The following ANO1 variants were observed in gnomAD, a reference collection of about 807,000 sequenced individuals.
ANO1 encodes anoctamin 1.
ANO1 carries 59 observed loss-of-function variants against 124.0 expected under a neutral mutation model. The ratio of observed to expected loss-of-function variants is 0.48; its 90% CI spans 0.39 to 0.59. The LOEUF (loss-of-function observed/expected upper bound fraction) is 0.59. ANO1 is among the 20% of genes least tolerant of loss of function. ANO1 has a pLI of 0.00. For synonymous variants in ANO1, 529 were observed against 532.0 expected (o/e 0.99, Z 0.08); for missense variants, 1,059 against 1,328.0 (o/e 0.80, Z 3.15).
At chr11:70,117,096 C>CTTTTTTTTT (rs1479602475) in intron 8 of ANO1, among the ~76,000 whole-genome samples, 7 of 75,966 alleles carry the variant, frequency 9.2e-5, no homozygotes, top group Non-Finnish European at 1.3e-4. Flanking sequence ...TTCTTTGTTT[C>CTTTTTTTTT]TTTCTTTTTT....
At chr11:69,981,799 A>G (rs1258442722), upstream of ANO1, among the ~76,000 whole-genome samples, 3 of 152,244 alleles carry the variant, frequency 2.0e-5, no homozygotes, top group Non-Finnish European at 2.9e-5. Context: ...ATGGCTATCC[A>G]AGAAGAAATG....
At chr11:70,042,814 T>C (rs1480622808) in intron 1 of ANO1, among the ~76,000 whole-genome samples, 1 of 152,210 alleles carries the variant, frequency 6.6e-6, no homozygotes, top group Non-Finnish European at 1.5e-5. Context: ...GTATCTGCCC[T>C]ATCAAAGTGT....
At chr11:69,987,604 CAAAAAAAAAAAAAA>C (rs202001305) in intron 1 of ANO1, among the ~76,000 whole-genome samples, 2,843 of 109,746 alleles carry the variant, frequency 0.026, 66 homozygotes, top group Non-Finnish European at 0.027. Context: ...GACCATGTCT[CAAAAAAAAAAAAAA>C]AAAAAAAAAA....
intron 1 of ANO1, among the ~76,000 whole-genome samples, chr11:69,994,186 T>G (rs1856216116): frequency 6.6e-6 from 1 of 152,130 alleles, no homozygotes; most frequent in Non-Finnish European, 1.5e-5. Flanking sequence ...AGGAAACCCT[T>G]GCACCGTGTT....
At chr11:70,032,002 A>G (rs903937141) in intron 1 of ANO1, among the ~76,000 whole-genome samples, 15 of 152,024 alleles carry the variant, frequency 9.9e-5, no homozygotes, top group Non-Finnish European at 2.1e-4. Flanking sequence ...GGACATATTC[A>G]CTGTGGCTAC....
intron 1 of ANO1, among the ~76,000 whole-genome samples, chr11:70,026,466 T>C (rs569117983): frequency 3.8e-4 from 58 of 151,200 alleles, no homozygotes; most frequent in African/African-American, 1.3e-3. Flanking sequence ...GTGATGATGG[T>C]GAAGATGGTG....
intron 1 of ANO1, among the ~76,000 whole-genome samples, chr11:70,085,925 C>T (rs1316638568): frequency 1.3e-5 from 2 of 152,364 alleles, no homozygotes; most frequent in African/African-American, 2.4e-5. Context: ...ATGGTGCAGC[C>T]GGAAGCTGCC....
At chr11:70,149,480 G>A (rs1036418306) in intron 11 of ANO1, 32 of 481,318 alleles carry the variant, frequency 6.6e-5, no homozygotes, top group African/African-American at 5.9e-4. Flanking sequence ...GTGAAACCCT[G>A]TCTCTACTAA....
Position 70,014,174 on chromosome 11 carries a change from A to G in ANO1, c.58+28008A>G, listed in dbSNP as rs576265004. ...AGTTTTAACATATCAACTGGGGGGG[A>G]AGCACAATTCACTCCTTAGGAGCTC... On this transcript the variant is annotated intron_variant, in intron 1 of 27. Transcript: ENST00000531349. Among the ~76,000 whole-genome samples, 19 of 150,368 alleles carry G rather than the reference A, an allele frequency of 1.3e-4. No individual in the cohort carries two copies. In the South Asian group the frequency reaches 4.0e-3, roughly 31 times the overall value.
At chr11:70,007,421 T>C (rs1396254988) in intron 1 of ANO1, among the ~76,000 whole-genome samples, 34 of 151,984 alleles carry the variant, frequency 2.2e-4, no homozygotes, top group African/African-American at 7.5e-4. Flanking sequence ...GGACTACAAG[T>C]GCCTGCCACC....
At chr11:70,084,587 G>A (rs1002628731) in intron 1 of ANO1, among the ~76,000 whole-genome samples, 4 of 152,098 alleles carry the variant, frequency 2.6e-5, no homozygotes, top group South Asian at 2.1e-4. Context: ...GCTGGAGAGG[G>A]GCCAAGCCTA....
chr11:70,022,923 G>A (rs1555002760), intron 1 of ANO1, among the ~76,000 whole-genome samples: 1 of 152,192 alleles, frequency 6.6e-6, no homozygotes, highest in African/African-American at 2.4e-5. Context: ...GGGAAGCAGA[G>A]TCGGGGAAGA....
chr11:70,074,320 C>T (rs2044027413), upstream of ANO1, among the ~76,000 whole-genome samples: 1 of 152,192 alleles, frequency 6.6e-6, no homozygotes, highest in African/African-American at 2.4e-5. Flanking sequence ...GCAGGGCAAG[C>T]TCAGTGCACC....
intron 1 of ANO1, among the ~76,000 whole-genome samples, chr11:70,058,000 G>A (rs992218706): frequency 6.6e-6 from 1 of 152,194 alleles, no homozygotes; most frequent in Non-Finnish European, 1.5e-5. Context: ...GCAGGATTGT[G>A]GTGGCATGGG....
intron 1 of ANO1, among the ~76,000 whole-genome samples, chr11:69,999,848 A>AT (rs1856348315): frequency 6.6e-6 from 1 of 152,146 alleles, no homozygotes; most frequent in African/African-American, 2.4e-5. Flanking sequence ...ATGTGGAGGC[A>AT]TTGGAGGCAG....
chr11:69,968,554 G>T, the ANO1 span, among the ~76,000 whole-genome samples: 1 of 152,220 alleles, frequency 6.6e-6, no homozygotes, highest in South Asian at 2.1e-4. Flanking sequence ...TGACTCCGGC[G>T]TGCTGCCAAA....
At chr11:70,023,146 T>C (rs1856835960) in intron 1 of ANO1, among the ~76,000 whole-genome samples, 1 of 152,228 alleles carries the variant, frequency 6.6e-6, no homozygotes, top group Admixed American at 6.5e-5. Flanking sequence ...ATAATAATCA[T>C]GTGCTGTTTT....
chr11:70,014,332 C>T (rs1856661773), intron 1 of ANO1, among the ~76,000 whole-genome samples: 1 of 150,696 alleles, frequency 6.6e-6, no homozygotes, highest in South Asian at 2.1e-4. Flanking sequence ...CGCCCCTGAG[C>T]CGCTCCTTTG....
intron 6 of ANO1, among the ~76,000 whole-genome samples, chr11:70,110,814 G>A (rs1007010823): frequency 5.9e-5 from 9 of 152,234 alleles, no homozygotes; most frequent in African/African-American, 1.7e-4. Context: ...GATGTATTTG[G>A]AGCAAGATCT....
Sources: gnomAD v4.1 joint callset for allele counts (sites outside exome capture counted in the v4.1 genomes callset) on GRCh38, gnomAD v4.1.1 for gene constraint, MANE v1.5 for transcripts, NCBI Gene and HGNC (gene_info 2026-07-23, HGNC 2026-07-21) for gene names.